Variants in DACH1 observed in about 807,000 individuals in gnomAD.
The protein encoded by DACH1 is dachshund family transcription factor 1.
In DACH1, 12 loss-of-function variants were observed where a neutral mutation model predicts 54.2. That is an observed-to-expected ratio of 0.22 (90% CI 0.14 to 0.36). The LOEUF (loss-of-function observed/expected upper bound fraction) is 0.36. Among genes scored for constraint, DACH1 ranks in the 10% least tolerant of loss-of-function variants. The probability of loss-of-function intolerance (pLI) is 1.00; values close to 1 mark genes in which losing one functional copy is unlikely to be tolerated. For missense variants in DACH1, 805 were observed against 929.8 expected, an observed-to-expected ratio of 0.87 and a Z score of 1.75; for synonymous variants, 386 against 366.2, an observed-to-expected ratio of 1.05 and a Z score of -0.62.
intron 6 of DACH1, among the ~76,000 whole-genome samples, chr13:71,539,331 G>T (rs149125424): frequency 1.3e-5 from 2 of 152,078 alleles, no homozygotes; most frequent in South Asian, 4.1e-4. Flanking sequence ...TAACCATAAA[G>T]TTCAGCAATG....
intron 1 of DACH1, among the ~76,000 whole-genome samples, chr13:71,693,155 C>A (rs2138728644): frequency 6.6e-6 from 1 of 152,056 alleles, no homozygotes; most frequent in African/African-American, 2.4e-5. Context: ...AGCGAGTGTG[C>A]ATAAATCTTT....
chr13:71,555,183 A>G (rs1301810943), intron 6 of DACH1, among the ~76,000 whole-genome samples: 2 of 152,162 alleles, frequency 1.3e-5, no homozygotes, highest in African/African-American at 2.4e-5. Flanking sequence ...TTGAGAAAAG[A>G]GTGACTCAAA....
intron 6 of DACH1, among the ~76,000 whole-genome samples, chr13:71,547,474 A>C (rs1324903175): frequency 6.6e-6 from 1 of 152,110 alleles, no homozygotes; most frequent in Non-Finnish European, 1.5e-5. Context: ...AATATTCTGA[A>C]ACTGTAGCAT....
At chr13:71,592,494 CAAAA>C (rs575364116) in intron 3 of DACH1, among the ~76,000 whole-genome samples, 57 of 32,786 alleles carry the variant, frequency 1.7e-3, no homozygotes, top group African/African-American at 6.3e-3. Flanking sequence ...GACTCTATCT[CAAAA>C]AAAAAAAAAA....
At chr13:71,714,639 T>C (rs1252798787) in intron 1 of DACH1, among the ~76,000 whole-genome samples, 2 of 152,074 alleles carry the variant, frequency 1.3e-5, no homozygotes, top group African/African-American at 4.8e-5. Context: ...AGATTCCTTA[T>C]GAAAATATAG....
intron 1 of DACH1, among the ~76,000 whole-genome samples, chr13:71,785,271 C>T (rs303956): frequency 1 from 152,179 of 152,312 alleles, 76,023 homozygotes; most frequent in Non-Finnish European, 1. Flanking sequence ...AACAAAGTTA[C>T]ATAAGTGTGT....
intron 1 of DACH1, among the ~76,000 whole-genome samples, chr13:71,705,604 A>G (rs1182465160): frequency 6.6e-6 from 1 of 152,214 alleles, no homozygotes; most frequent in South Asian, 2.1e-4. Context: ...AAGCCTATCA[A>G]TGAATGTATA....
At chr13:71,837,632 G>C (rs1888846530) in intron 1 of DACH1, among the ~76,000 whole-genome samples, 1 of 152,038 alleles carries the variant, frequency 6.6e-6, no homozygotes, top group Admixed American at 6.6e-5. Context: ...AAACAGATAG[G>C]TGAGTATGAA....
intron 2 of DACH1, among the ~76,000 whole-genome samples, chr13:71,646,045 C>G (rs892875547): frequency 5.3e-5 from 8 of 152,030 alleles, no homozygotes; most frequent in Admixed American, 1.3e-4. Flanking sequence ...AGATATAAAA[C>G]TTCTGCAATC....
chr13:71,660,464 T>G (rs2138650296), intron 2 of DACH1, among the ~76,000 whole-genome samples: 1 of 152,170 alleles, frequency 6.6e-6, no homozygotes, highest in East Asian at 1.9e-4. Flanking sequence ...AAAATCATTC[T>G]ATTTTCACCA....
chr13:71,638,838 T>C (rs921414028), intron 2 of DACH1, among the ~76,000 whole-genome samples: 1 of 152,194 alleles, frequency 6.6e-6, no homozygotes, highest in African/African-American at 2.4e-5. Flanking sequence ...CAGAGAAACT[T>C]AATGCCTTAC....
intron 1 of DACH1, among the ~76,000 whole-genome samples, chr13:71,793,937 C>T (rs1886934457): frequency 1.3e-5 from 2 of 152,172 alleles, no homozygotes; most frequent in Admixed American, 6.5e-5. Context: ...ATCCAAATCA[C>T]AGTTCTGGTC....
At chr13:71,665,363 C>T (rs1276549115) in intron 2 of DACH1, among the ~76,000 whole-genome samples, 2 of 151,990 alleles carry the variant, frequency 1.3e-5, no homozygotes, top group African/African-American at 4.8e-5. Context: ...CTCAATCTAT[C>T]ATTTTGCTAC....
chr13:71,681,343 C>T (rs1306020444), intron 2 of DACH1, among the ~76,000 whole-genome samples: 10 of 152,030 alleles, frequency 6.6e-5, no homozygotes, highest in East Asian at 1.9e-4. Flanking sequence ...TGAAAAATTA[C>T]GAGACATTTC....
At chr13:71,618,032 GTGACTATGATATTAAT>G (rs1305893647) in intron 3 of DACH1, among the ~76,000 whole-genome samples, 2 of 152,082 alleles carry the variant, frequency 1.3e-5, no homozygotes, top group Non-Finnish European at 2.9e-5. Context: ...TCAACCGTAA[GTGACTATGATATTAAT>G]ATATCTAAAA....
chr13:71,483,179 A>G (rs1335716026), intron 7 of DACH1, among the ~76,000 whole-genome samples: 2 of 151,878 alleles, frequency 1.3e-5, no homozygotes, highest in Non-Finnish European at 2.9e-5. Context: ...ATTGTCCTGC[A>G]ACGCCGATGT....
chr13:71,469,137 A>C (rs2138157421), intron 10 of DACH1, among the ~76,000 whole-genome samples: 1 of 152,290 alleles, frequency 6.6e-6, no homozygotes, highest in Admixed American at 6.5e-5. Flanking sequence ...AAACCCCATT[A>C]ACTAGTAGTG....
At chr13:71,690,309 C>T (rs964901554) in intron 1 of DACH1, among the ~76,000 whole-genome samples, 2 of 152,164 alleles carry the variant, frequency 1.3e-5, no homozygotes, top group Non-Finnish European at 2.9e-5. Context: ...TATATGATTT[C>T]TCCCAGAGTT....
At chr13:71,651,548 CTACTTGGGA>C (rs1265604622) in intron 2 of DACH1, among the ~76,000 whole-genome samples, 2 of 152,060 alleles carry the variant, frequency 1.3e-5, no homozygotes, top group Non-Finnish European at 2.9e-5. Flanking sequence ...GTAGTCCCAG[CTACTTGGGA>C]TACTGAGGTG....
Sources: gnomAD v4.1 joint callset for allele counts (sites outside exome capture counted in the v4.1 genomes callset) on GRCh38, gnomAD v4.1.1 for gene constraint, MANE v1.5 for transcripts, NCBI Gene and HGNC (gene_info 2026-07-23, HGNC 2026-07-21) for gene names.